Variants in SLC1A6 observed in about 807,000 individuals in gnomAD.
The protein encoded by SLC1A6 is excitatory amino acid transporter 4.
In SLC1A6, 15 loss-of-function variants were observed where a neutral mutation model predicts 42.1. The observed-to-expected ratio is 0.36, with a 90% CI of 0.24 to 0.55. The LOEUF (loss-of-function observed/expected upper bound fraction) is 0.55, where lower values mean the gene tolerates loss of function less well. Ranked by LOEUF, SLC1A6 falls within the 20% of genes least tolerant of loss-of-function variation. SLC1A6 has a pLI of 0.88. For synonymous variants in SLC1A6, 317 were observed against 319.7 expected, an observed-to-expected ratio of 0.99 and a Z score of 0.09; for missense variants, 542 against 772.5, an observed-to-expected ratio of 0.70 and a Z score of 3.54.
At chr19:14,991,730 G>A (rs1340042868) in intron 1 of SLC1A6, among the ~76,000 whole-genome samples, 1 of 151,460 alleles carries the variant, frequency 6.6e-6, no homozygotes, top group African/African-American at 2.4e-5. Context: ...ATATTTCAAT[G>A]AAATCTTTTT....
upstream of SLC1A6, among the ~76,000 whole-genome samples, chr19:14,980,948 G>A (rs1376000512): frequency 6.6e-6 from 1 of 152,014 alleles, no homozygotes; most frequent in Non-Finnish European, 1.5e-5. Context: ...CTCCTAGATA[G>A]GTGATTCTCA....
At chr19:14,970,059 G>A (rs776410061) in intron 3 of SLC1A6, among the ~76,000 whole-genome samples, 50 of 152,032 alleles carry the variant, frequency 3.3e-4, no homozygotes, top group Admixed American at 1.6e-3. Context: ...TCAATTAATA[G>A]TAGATAACAT....
intron 1 of SLC1A6, among the ~76,000 whole-genome samples, chr19:15,010,243 AAAACGT>A (rs1393380037): frequency 6.6e-6 from 1 of 151,612 alleles, no homozygotes; most frequent in Non-Finnish European, 1.5e-5. Flanking sequence ...AAAAGAAAAG[AAAACGT>A]AAGACTAAAA....
At chr19:14,952,397 A>G (rs2045421790) in intron 9 of SLC1A6, among the ~76,000 whole-genome samples, 1 of 151,640 alleles carries the variant, frequency 6.6e-6, no homozygotes, top group Non-Finnish European at 1.5e-5. Context: ...AAATACAAAA[A>G]ACCAAAAAAT....
chr19:14,951,253 CAAAAAAAAAAAAAAAAA>C (rs1164185118), intron 9 of SLC1A6, among the ~76,000 whole-genome samples: 1 of 86,862 alleles, frequency 1.2e-5, no homozygotes, highest in African/African-American at 4.6e-5. Context: ...CTCTGTCTCA[CAAAAAAAAAAAAAAAAA>C]AAAAAAAAGA....
chr19:14,999,711 AT>A (rs2045864063), intron 1 of SLC1A6, among the ~76,000 whole-genome samples: 1 of 152,112 alleles, frequency 6.6e-6, no homozygotes, highest in South Asian at 2.1e-4. Flanking sequence ...TCAACTTGTG[AT>A]TTTTTTACTC....
intron 7 of SLC1A6, among the ~76,000 whole-genome samples, chr19:14,954,911 C>T (rs539066584): frequency 4.6e-5 from 7 of 152,198 alleles, no homozygotes; most frequent in Non-Finnish European, 8.8e-5. Flanking sequence ...CCAAAAAGGA[C>T]AGGACCAAAG....
chr19:14,954,691 TG>T (rs1409799110), intron 7 of SLC1A6, among the ~76,000 whole-genome samples: 3 of 151,946 alleles, frequency 2.0e-5, no homozygotes, highest in Non-Finnish European at 4.4e-5. Context: ...GCAGGCCAGG[TG>T]GGGGGCTCCT....
At chr19:14,964,456 C>A (rs1258719372) in intron 4 of SLC1A6, 95 bp from the exon 5 acceptor site, 2 of 954,630 alleles carry the variant, frequency 2.1e-6, no homozygotes, top group South Asian at 1.3e-5. Context: ...AACAATAGTG[C>A]AGCCAACATA....
At chr19:14,952,273 C>CAA (rs71168528) in intron 9 of SLC1A6, among the ~76,000 whole-genome samples, 3 of 145,686 alleles carry the variant, frequency 2.1e-5, no homozygotes, top group Non-Finnish European at 4.5e-5. Flanking sequence ...AACATAATCT[C>CAA]AAAAAAAAAA....
intron 1 of SLC1A6, among the ~76,000 whole-genome samples, chr19:14,975,845 C>CAAAGGGAAGGGAAGGGAAGGGAAGG (rs1172481724): frequency 1.8e-5 from 1 of 56,310 alleles, no homozygotes; most frequent in African/African-American, 7.8e-5. Flanking sequence ...GGGAAGGGGA[C>CAAAGGGAAGGGAAGGGAAGGGAAGG]AAAGGGAAGG....
intron 1 of SLC1A6, among the ~76,000 whole-genome samples, chr19:14,991,840 CTTTT>C (rs887859176): frequency 9.1e-6 from 1 of 110,142 alleles, no homozygotes. Context: ...CTGCTTTTTT[CTTTT>C]TTTTTTTTTT....
In SLC1A6 at chr19:14,950,219, C is replaced by G; in HGVS notation, c.1671G>C (p.Arg557=). 3.2e-6 allele frequency: 5 copies of G among 1,585,372 alleles called. No homozygotes were observed. Among genetic ancestry groups the G allele is most frequent in the Non-Finnish European group, 4.3e-6 (5 of 1,160,582 alleles). The change falls in exon 10 of 10, where the codon CGG becomes CGC. Residue 557 remains arginine (R), a synonymous_variant. Coordinates refer to ENST00000594383, the MANE Select transcript of SLC1A6 (RefSeq NM_005071.3). ...MAQEKGASRG[R]GGNESAM Reference sequence around the variant, plus strand: ...CTCACATAGCACTCTCGTTGCCTCCCCGTCCCCGGGATGCCCCCTTCTCCT... The same window carrying G: ...CTCACATAGCACTCTCGTTGCCTCCGCGTCCCCGGGATGCCCCCTTCTCCT...
intron 1 of SLC1A6, among the ~76,000 whole-genome samples, chr19:14,991,820 A>G (rs2045821557): frequency 6.7e-6 from 1 of 149,370 alleles, no homozygotes; most frequent in Non-Finnish European, 1.5e-5. Flanking sequence ...CAAAGTTCCT[A>G]CTTTTCCTTC....
chr19:14,958,951 C>T (rs543047197), intron 6 of SLC1A6, among the ~76,000 whole-genome samples: 1 of 152,142 alleles, frequency 6.6e-6, no homozygotes, highest in African/African-American at 2.4e-5. Context: ...AGTAAAAGTT[C>T]GTCTTCAAAG....
At chr19:14,994,794 C>A (rs553611685) in intron 1 of SLC1A6, among the ~76,000 whole-genome samples, 1 of 152,276 alleles carries the variant, frequency 6.6e-6, no homozygotes, top group South Asian at 2.1e-4. Context: ...TCTGTTCAGA[C>A]TTCCCTCTTG....
At chr19:14,990,786 C>A (rs373168932) in intron 1 of SLC1A6, among the ~76,000 whole-genome samples, 152 of 124,670 alleles carry the variant, frequency 1.2e-3, no homozygotes, top group South Asian at 0.011. Flanking sequence ...CAAAACAAAA[C>A]AAAAAAAAAA....
chr19:14,964,125 G>A (rs1242556391), intron 5 of SLC1A6, 194 bp downstream of exon 5: 7 of 567,014 alleles, frequency 1.2e-5, no homozygotes, highest in African/African-American at 5.7e-5. Context: ...CACCATTCTC[G>A]GACCTAAGTG....
At chr19:15,009,420 T>C (rs1205271612) in intron 1 of SLC1A6, among the ~76,000 whole-genome samples, 1 of 152,090 alleles carries the variant, frequency 6.6e-6, no homozygotes, top group African/African-American at 2.4e-5. Context: ...GTGGAATACT[T>C]AGCCATAAAA....
Sources: gnomAD v4.1 joint callset for allele counts (sites outside exome capture counted in the v4.1 genomes callset) on GRCh38, gnomAD v4.1.1 for gene constraint, MANE v1.5 for transcripts, NCBI Gene and HGNC (gene_info 2026-07-23, HGNC 2026-07-21) for gene names.